PLXNA2: variants seen among roughly 807,000 people sequenced by gnomAD.
PLXNA2 encodes plexin A2, also known as plexin-A2.
PLXNA2 carries 91 observed loss-of-function variants against 193.5 expected under a neutral mutation model. The observed-to-expected ratio is 0.47, with a 90% CI of 0.40 to 0.56. The LOEUF (loss-of-function observed/expected upper bound fraction) is 0.56, where lower values mean the gene tolerates loss of function less well. Ranked by LOEUF, PLXNA2 falls within the 20% of genes least tolerant of loss-of-function variation. The pLI is 0.00. For missense variants in PLXNA2, 1,995 were observed against 2,503.2 expected, an observed-to-expected ratio of 0.80 and a Z score of 4.33; for synonymous variants, 997 against 1,027.3, an observed-to-expected ratio of 0.97 and a Z score of 0.56.
intron 4 of PLXNA2, among the ~76,000 whole-genome samples, chr1:208,138,947 A>T (rs1266675396): frequency 1.3e-5 from 2 of 152,222 alleles, no homozygotes; most frequent in Admixed American, 1.3e-4. Context: ...GAATCGCTTT[A>T]ACCCAGGAGG....
rs1249036817 is a variant in PLXNA2 at position 208,082,993 on chromosome 1, GC to G, written c.2299-486del. Among the ~76,000 whole-genome samples, 2 of 152,124 alleles carry G rather than the reference GC, an allele frequency of 1.3e-5. No individual in the cohort carries two copies. Among genetic ancestry groups the G allele is most frequent in the Non-Finnish European group, 2.9e-5 (2 of 68,036 alleles). ...ACTGGCACTTTCCAGGATCTGCTGT[GC>G]CTCTTTTCACGTGTCTCCCTAAAAA... is the stretch of plus-strand genomic sequence containing the variant. On this transcript the variant is annotated intron_variant, in intron 10 of 31. Transcript: ENST00000367033. This position sits in a 1 kb window ranked among gnomAD's most constrained non-coding sequence, Gnocchi z 4.2.
rs766742913 is a variant in PLXNA2, at chr1:208,052,337, C to T, written c.2983G>A (p.Glu995Lys). The T allele has an allele frequency of 3.7e-5, 60 of 1,612,872 alleles. No individual in the cohort carries two copies. The highest frequency in any genetic ancestry group is 4.7e-5 in the Non-Finnish European group (56 of 1,180,014). ...VAVYLGNQTC[E>K]FYGRSMSEIV... ...TCAAGTTTATCTCACCCGTAGAACTCGCAGGTCTGGTTGCCCAGGTAGACT... is the reference window on the plus strand; with the variant it reads ...TCAAGTTTATCTCACCCGTAGAACTTGCAGGTCTGGTTGCCCAGGTAGACT... The change falls in exon 15 of 32, where the codon GAG (glutamate) becomes AAG (lysine). Residue 995 changes from glutamate to lysine, a missense_variant. By Grantham distance (56) the Glu-to-Lys change is moderately conservative (BLOSUM62 1). Coordinates refer to ENST00000367033, the MANE Select transcript of PLXNA2 (RefSeq NM_025179.4).
In PLXNA2 at chr1:208,054,273, G is replaced by A. The variant is rs1665354633; in HGVS notation, c.2856+148C>T. Reference sequence around the variant, plus strand: ...ACAGGCTCTCAAAACAGCAAGACCAGAAGTTGCCTTATCTGGAGGGTCCTT... The same window carrying A: ...ACAGGCTCTCAAAACAGCAAGACCAAAAGTTGCCTTATCTGGAGGGTCCTT... On this transcript the variant is annotated intron_variant, in intron 14 of 31. Transcript: ENST00000367033. 7.0e-6 allele frequency: 4 copies of A among 570,412 alleles called. No homozygotes were observed. In the Admixed American group the frequency reaches 1.2e-4, roughly 17 times the overall value. 35.3% of individuals were successfully genotyped at this position (570,412 alleles called of 1,614,324 possible). A position where few individuals can be genotyped will look rare whatever the true frequency, so the allele number is the denominator to read the frequency against.
At chr1:208,227,215 ACT>A (rs1248915395) in intron 1 of PLXNA2, among the ~76,000 whole-genome samples, 1 of 151,994 alleles carries the variant, frequency 6.6e-6, no homozygotes, top group African/African-American at 2.4e-5. Flanking sequence ...ATTACTAGCA[ACT>A]CTCACTTATT....
chr1:208,191,878 C>T (rs1025652844), intron 3 of PLXNA2, among the ~76,000 whole-genome samples: 4 of 152,048 alleles, frequency 2.6e-5, no homozygotes, highest in Admixed American at 6.6e-5. Context: ...GCGAGGGGTT[C>T]CTAGTCTGAG....
chr1:208,210,508 G>A, intron 2 of PLXNA2, 46 bp from the exon 3 acceptor site: 1 of 1,534,518 alleles, frequency 6.5e-7, no homozygotes, highest in Non-Finnish European at 8.9e-7. Context: ...GTGGAGGCAT[G>A]GTGAAGTCTC....
chr1:208,038,920 C>T lies in PLXNA2; in HGVS notation c.4565G>A (p.Cys1522Tyr). ...SPEIPVKVLN[C>Y]DTITQVKEKI... ...CTCCTTGACCTGTGTGATGGTGTCA[C>T]AGTTTAACACCTTCACTGGGATCTC... Residue 1522 changes from cysteine (C) to tyrosine (Y), a missense_variant, in exon 25 of 32, where the codon TGT becomes TAT. Cys to Tyr is a radical substitution (Grantham distance 194). Transcript: ENST00000367033. This position sits in a 1 kb window ranked among gnomAD's most constrained non-coding sequence, Gnocchi z 4.1. 1 of 1,613,868 alleles carries T rather than the reference C, an allele frequency of 6.2e-7. No homozygotes were observed. Among genetic ancestry groups the T allele is most frequent in the African/African-American group, 1.3e-5 (1 of 75,014 alleles).
chr1:208,116,194 T>G (rs1667635373), intron 4 of PLXNA2, among the ~76,000 whole-genome samples: 1 of 152,210 alleles, frequency 6.6e-6, no homozygotes, highest in African/African-American at 2.4e-5. Context: ...GAAGTCTTCC[T>G]TGATCAACCT....
chr1:208,076,894 T>C (rs1192879979), intron 12 of PLXNA2, among the ~76,000 whole-genome samples: 1 of 152,204 alleles, frequency 6.6e-6, no homozygotes, highest in East Asian at 1.9e-4. Context: ...AGATGTTAAC[T>C]TTGGAAATCT....
chr1:208,105,112 C>T (rs903606428), intron 4 of PLXNA2, among the ~76,000 whole-genome samples: 18 of 152,244 alleles, frequency 1.2e-4, no homozygotes, highest in South Asian at 2.1e-4. Context: ...CAGGTCTCCG[C>T]AGCCTGCCCT....
intron 5 of PLXNA2, among the ~76,000 whole-genome samples, chr1:208,101,312 G>A (rs1385594332): frequency 1.3e-5 from 2 of 152,174 alleles, no homozygotes; most frequent in Admixed American, 1.3e-4. Context: ...GTGGGGACCC[G>A]GGAGCTGCAG....
intron 3 of PLXNA2, 188 bp downstream of exon 3, chr1:208,210,092 G>T: frequency 1.8e-6 from 1 of 549,062 alleles, no homozygotes; most frequent in Non-Finnish European, 3.4e-6. Context: ...CCCAATGACT[G>T]ATGGCTGGAG....
At chr1:208,106,408 C>T (rs564511677) in intron 4 of PLXNA2, among the ~76,000 whole-genome samples, 3 of 152,290 alleles carry the variant, frequency 2.0e-5, no homozygotes, top group East Asian at 3.9e-4. Context: ...CTTCAAGTTG[C>T]GAACAGGCTA....
Position 208,045,970 on chromosome 1 carries a change from T to C in PLXNA2, c.3403A>G (p.Thr1135Ala), listed in dbSNP as rs1021321286. 1 of 1,614,096 alleles carries C rather than the reference T, an allele frequency of 6.2e-7. No individual in the cohort carries two copies. Among genetic ancestry groups the C allele is most frequent in the African/African-American group, 1.3e-5 (1 of 74,936 alleles). ...NVQSLLIYND[T>A]KFIYYPNPTF... Reference sequence around the variant, plus strand: ...GGGTTGGGGTAGTAGATAAACTTGGTGTCGTTGTAAATTAGCAAGGATTGG... The same window carrying C: ...GGGTTGGGGTAGTAGATAAACTTGGCGTCGTTGTAAATTAGCAAGGATTGG... Residue 1135 changes from threonine to alanine, a missense_variant, in exon 18 of 32, where the codon ACC becomes GCC. Transcript: ENST00000367033.
intron 12 of PLXNA2, among the ~76,000 whole-genome samples, chr1:208,078,999 T>C (rs1666242895): frequency 6.6e-6 from 1 of 152,228 alleles, no homozygotes; most frequent in South Asian, 2.1e-4. Context: ...GGGTTGGCTC[T>C]GCCTCCCTTG....
chr1:208,092,900 C>T lies in PLXNA2; in HGVS notation c.1983G>A (p.Leu661=), dbSNP rs1666762074. The change falls in exon 9 of 32, where the codon CTG becomes CTA. Residue 661 remains leucine (L), a splice_region_variant and synonymous_variant. Transcript: ENST00000367033. ...AGGCGCTGTTGACACAGGACAGGCACCTGCAAGGACAGAGATGGTGAGAGG... is the reference window on the plus strand; with the variant it reads ...AGGCGCTGTTGACACAGGACAGGCATCTGCAAGGACAGAGATGGTGAGAGG... ...FKFYNCSAHQ[L]CLSCVNSAFR... The T allele has an allele frequency of 1.2e-6, 2 of 1,608,600 alleles. No individual in the cohort carries two copies. Among genetic ancestry groups the T allele is most frequent in the African/African-American group, 1.3e-5 (1 of 74,808 alleles).
At chr1:208,177,193 G>A (rs1421952795) in intron 3 of PLXNA2, among the ~76,000 whole-genome samples, 1 of 152,108 alleles carries the variant, frequency 6.6e-6, no homozygotes, top group African/African-American at 2.4e-5. Flanking sequence ...GTTAAACACT[G>A]TTAATTGTTA....
intron 4 of PLXNA2, among the ~76,000 whole-genome samples, chr1:208,107,147 A>C (rs1353074938): frequency 1.3e-5 from 2 of 152,212 alleles, no homozygotes; most frequent in African/African-American, 4.8e-5. Context: ...ATGGTTCTCA[A>C]ACCAGCACCA....
Position 208,033,477 on chromosome 1 carries a change from T to C in PLXNA2, c.4897A>G (p.Ser1633Gly). The C allele has an allele frequency of 6.2e-7, 1 of 1,612,894 alleles. No homozygotes were observed. The change falls in exon 28 of 32, where the codon AGC (serine) becomes GGC (glycine). Residue 1633 changes from serine (S) to glycine (G), a missense_variant. By Grantham distance (56) the Ser-to-Gly change is moderately conservative (BLOSUM62 0). Transcript: ENST00000367033. Reference protein sequence around the residue: ...SSFRYTGSPDSLRSRAPMITP... With the variant: ...SSFRYTGSPDGLRSRAPMITP... ...ATCATCGGGGCCCGGGACCGCAGGC[T>C]GTCGGGGCTGCCCGTATACCTGAAG...
Sources: allele counts gnomAD v4.1 joint callset (sites outside exome capture counted in the v4.1 genomes callset), GRCh38; gene constraint gnomAD v4.1.1; non-coding constraint Gnocchi (gnomAD v3.1); transcripts MANE v1.5; gene names NCBI Gene and HGNC (gene_info 2026-07-23, HGNC 2026-07-21).